Variants in PIGS observed in about 807,000 individuals in gnomAD.
PIGS encodes GPI-anchor transamidase component PIGS.
Under a neutral mutation model 58.2 loss-of-function variants are expected in PIGS, and 37 were observed. That is an observed-to-expected ratio of 0.64 (90% confidence interval 0.49 to 0.84). The LOEUF (loss-of-function observed/expected upper bound fraction) is 0.84. Ranked by LOEUF, PIGS falls within the 40% of genes least tolerant of loss-of-function variation. The pLI, the probability that PIGS is intolerant of heterozygous loss-of-function variation, is 0.00. For missense variants in PIGS, 629 were observed against 710.8 expected, an observed-to-expected ratio of 0.88 and a Z score of 1.31; for synonymous variants, 269 against 289.2, an observed-to-expected ratio of 0.93 and a Z score of 0.71.
chr17:28,566,977 T>C (rs998550576), intron 3 of PIGS, among the ~76,000 whole-genome samples: 13 of 152,180 alleles, frequency 8.5e-5, no homozygotes, highest in Non-Finnish European at 1.6e-4. Context: ...TAAGCTATGA[T>C]TGAGCCACTG....
intron 1 of PIGS, 22 bp downstream of exon 1, chr17:28,571,441 C>T (rs1363222248): frequency 1.2e-6 from 2 of 1,609,426 alleles, no homozygotes; most frequent in Non-Finnish European, 8.5e-7. Context: ...GCTGCAGGCC[C>T]CCCACCCGAA....
At chr17:28,557,913 G>C (rs2070340696) in intron 8 of PIGS, among the ~76,000 whole-genome samples, 1 of 152,220 alleles carries the variant, frequency 6.6e-6, no homozygotes, top group Non-Finnish European at 1.5e-5. Context: ...GATAGACCCA[G>C]CCTAGTCATT....
intron 3 of PIGS, 81 bp from the exon 4 acceptor site, chr17:28,563,988 C>T (rs1200383405): frequency 8.4e-7 from 1 of 1,184,184 alleles, no homozygotes; most frequent in East Asian, 2.4e-5. Flanking sequence ...CACTGTCCAG[C>T]ATCTGAGGAC....
intron 5 of PIGS, 125 bp downstream of exon 5, chr17:28,563,305 AT>A (rs940149115): frequency 2.2e-4 from 168 of 767,032 alleles, no homozygotes; most frequent in Middle Eastern, 5.0e-4. Flanking sequence ...AAAAAAAAAA[AT>A]TTTTTTTTGG....
rs745743972 is a variant in PIGS at position 28,560,123 on chromosome 17, C to T, written c.745G>A (p.Gly249Arg). The T allele has an allele frequency of 9.3e-6, 15 of 1,613,372 alleles. No homozygotes were observed. Among genetic ancestry groups the T allele is most frequent in the Non-Finnish European group, 1.2e-5 (14 of 1,179,764 alleles). ...GGTTGCACATAGCGCCGGACAGCCC[C>T]CTCAATGTCCCAGTAGACATCATGG... ...KSHDVYWDIE[G>R]AVRRYVQPFL... The change falls in exon 7 of 12, where the codon GGG (glycine) becomes AGG (arginine). Residue 249 changes from glycine to arginine, a missense_variant. Transcript: ENST00000308360.
At chr17:28,558,627 T>C in intron 7 of PIGS, 37 bp from the exon 8 acceptor site, 1 of 1,469,508 alleles carries the variant, frequency 6.8e-7, no homozygotes, top group African/African-American at 1.4e-5. Context: ...TTTGTTTAGA[T>C]TTATATTCTA....
chr17:28,568,394 C>T (rs1183317931), intron 3 of PIGS, among the ~76,000 whole-genome samples: 2 of 152,134 alleles, frequency 1.3e-5, no homozygotes, highest in Admixed American at 6.6e-5. Flanking sequence ...TGAGCTACCA[C>T]ATCCAGCTTT....
rs761861669 is a variant in PIGS, at chr17:28,560,145, A to G, written c.723T>C (p.His241=). 1.2e-6 allele frequency: 2 copies of G among 1,612,658 alleles called. No individual in the cohort carries two copies. Among genetic ancestry groups the G allele is most frequent in the South Asian group, 2.2e-5 (2 of 90,888 alleles). ...CCCCCTCAATGTCCCAGTAGACATC[A>G]TGGGACTTGGGGTCTGGGTTGAGTA... is the stretch of plus-strand genomic sequence containing the variant. ...FSLLNPDPKS[H]DVYWDIEGAV... Residue 241 remains histidine, a synonymous_variant, in exon 7 of 12, where the codon CAT becomes CAC. Coordinates refer to ENST00000308360, the MANE Select transcript of PIGS (RefSeq NM_033198.4).
At chr17:28,567,790 CTT>C (rs2070402338) in intron 3 of PIGS, among the ~76,000 whole-genome samples, 1 of 152,162 alleles carries the variant, frequency 6.6e-6, no homozygotes, top group Non-Finnish European at 1.5e-5. Context: ...TTCATTTCCT[CTT>C]TCTCTCTTCC....
intron 11 of PIGS, 119 bp downstream of exon 11, chr17:28,554,732 A>G: frequency 2.2e-6 from 3 of 1,383,704 alleles, no homozygotes; most frequent in Non-Finnish European, 3.0e-6. Flanking sequence ...AGGCTGGGAC[A>G]CTAAAGATGG....
At chr17:28,555,311 T>C in intron 10 of PIGS, 1 of 486,216 alleles carries the variant, frequency 2.1e-6, no homozygotes, top group Non-Finnish European at 3.6e-6. Context: ...ATCTTGTTTT[T>C]TAAAAAAAGG....
At chr17:28,558,341 C>T in intron 8 of PIGS, 135 bp downstream of exon 8, 1 of 709,532 alleles carries the variant, frequency 1.4e-6, no homozygotes, top group Non-Finnish European at 2.4e-6. Context: ...TCTCCACAGT[C>T]TCCTCGGACC....
chr17:28,566,271 C>CTTTTTTTTTTTT (rs57310687), intron 3 of PIGS, among the ~76,000 whole-genome samples: 1 of 97,804 alleles, frequency 1.0e-5, no homozygotes. Context: ...TTTTTCTTTT[C>CTTTTTTTTTTTT]TTTTTTTTTT....
rs763391360 is a variant in PIGS, at chr17:28,555,111, A to C, written c.1182-50T>G. ...AAGGTGGCTGAGACCACAAGGCGGG[A>C]GATCATGGCTAAGATTTCTCAAATA... On this transcript the variant is annotated intron_variant, in intron 10 of 11. Transcript: ENST00000308360. 7 of 1,472,732 alleles carry C rather than the reference A, an allele frequency of 4.8e-6. No homozygotes were observed. In the East Asian group the frequency reaches 1.7e-4, roughly 35 times the overall value. The allele number at this position is 1,472,732 out of a possible 1,614,324, so 91.2% of individuals were successfully genotyped here. A position where few individuals can be genotyped will look rare whatever the true frequency, so the allele number is the denominator to read the frequency against.
intron 7 of PIGS, 36 bp downstream of exon 7, chr17:28,560,013 A>G (rs2070353337): frequency 6.3e-7 from 1 of 1,578,634 alleles, no homozygotes; most frequent in Non-Finnish European, 8.6e-7. Flanking sequence ...ATGTATAGAC[A>G]TTGAAAAGGA....
chr17:28,561,930 GAATA>G (rs1323955516), intron 5 of PIGS: 1 of 301,924 alleles, frequency 3.3e-6, no homozygotes, highest in Non-Finnish European at 6.1e-6. Flanking sequence ...AAGAAAAGCG[GAATA>G]AACAGACAAC....
rs768162793 is a variant in PIGS, at chr17:28,563,808, C to G, written c.376+10G>C. The G allele has an allele frequency of 3.1e-6, 5 of 1,607,228 alleles. No individual in the cohort carries two copies. The highest frequency in any genetic ancestry group is 2.2e-5 in the East Asian group (1 of 44,838). ...TCACATTAAAATGGTGTGCTCATCC[C>G]TTCCCATACCTTGCACACTGCCCGA... On this transcript the variant is annotated intron_variant, in intron 4 of 11. Transcript: ENST00000308360.
chr17:28,554,728 G>C, intron 11 of PIGS, 123 bp downstream of exon 11: 1 of 1,351,528 alleles, frequency 7.4e-7, no homozygotes, highest in Non-Finnish European at 1.0e-6. Flanking sequence ...AGGAAGGCTG[G>C]GACACTAAAG....
In PIGS at chr17:28,567,838, C is replaced by T. The variant is rs147803722; in HGVS notation, c.286+3014G>A. On this transcript the variant is annotated intron_variant, in intron 3 of 11. Transcript: ENST00000308360. Reference sequence around the variant, plus strand: ...CAGTGAAGCCACAAGGAGATTCTCACTGCTCCTGAAAGGTACAACACTTGC... The same window carrying T: ...CAGTGAAGCCACAAGGAGATTCTCATTGCTCCTGAAAGGTACAACACTTGC... 3.8e-4 allele frequency among the ~76,000 whole-genome samples: 58 copies of T among 152,356 alleles called. 1 individual carries two copies. In the East Asian group the frequency reaches 0.011, roughly 29 times the overall value.
Sources: gnomAD v4.1 joint callset for allele counts (sites outside exome capture counted in the v4.1 genomes callset) on GRCh38, gnomAD v4.1.1 for gene constraint, MANE v1.5 for transcripts, NCBI Gene and HGNC (gene_info 2026-07-23, HGNC 2026-07-21) for gene names.